Variants in EFCAB13 observed in about 807,000 individuals in gnomAD.
EFCAB13 encodes EF-hand calcium binding domain 13.
A neutral mutation model predicts 110.2 loss-of-function variants in EFCAB13; 91 were observed. The ratio of observed to expected loss-of-function variants is 0.83; its 90% CI spans 0.70 to 0.98. The LOEUF is 0.98. EFCAB13 is among the 50% of genes least tolerant of loss of function. The pLI is 0.00. For missense variants in EFCAB13, 968 were observed against 1,119.4 expected (o/e 0.86, Z 1.93); for synonymous variants, 323 against 369.9 (o/e 0.87, Z 1.45).
At chr17:47,378,977 A>C (rs183641876) in intron 13 of EFCAB13, among the ~76,000 whole-genome samples, 1 of 152,170 alleles carries the variant, frequency 6.6e-6, no homozygotes, top group African/African-American at 2.4e-5. Context: ...GGTGCCTAGC[A>C]TGGTTCTTGG....
intron 9 of EFCAB13, among the ~76,000 whole-genome samples, chr17:47,359,521 T>G (rs1449567124): frequency 6.6e-6 from 1 of 151,238 alleles, no homozygotes; most frequent in African/African-American, 2.4e-5. Context: ...AATTGTGTTT[T>G]TTTTTTTTTT....
At position 47,350,412 on chromosome 17, in the gene EFCAB13, A is replaced by G. The variant is rs879812225; in HGVS notation, c.661+2461A>G. 1.3e-5 allele frequency among the ~76,000 whole-genome samples: 2 copies of G among 152,246 alleles called. 1 individual carries two copies. The highest frequency in any genetic ancestry group is 6.8e-3 in the Middle Eastern group (2 of 294). On this transcript the variant is annotated intron_variant, in intron 9 of 24. Transcript: ENST00000331493. ...GCTCAAGAATTTAGATGCTCTTCCT[A>G]TTATCAAATGAATCTATAGAGGCCA...
intron 12 of EFCAB13, among the ~76,000 whole-genome samples, chr17:47,377,493 G>A (rs930105004): frequency 5.9e-5 from 9 of 152,110 alleles, no homozygotes; most frequent in African/African-American, 2.2e-4. Context: ...GAAGCAAGCA[G>A]CATTGGCTGG....
chr17:47,404,444 G>T, intron 19 of EFCAB13, 118 bp from the exon 20 acceptor site: 1 of 722,408 alleles, frequency 1.4e-6, no homozygotes, highest in Non-Finnish European at 2.2e-6. Flanking sequence ...GAATCTAAAA[G>T]TACCTTGTAA....
At chr17:47,324,687 A>G (rs931997291) in intron 2 of EFCAB13, among the ~76,000 whole-genome samples, 164 bp downstream of exon 2, 1 of 152,090 alleles carries the variant, frequency 6.6e-6, no homozygotes, top group Non-Finnish European at 1.5e-5. Flanking sequence ...GCGGCTTGTG[A>G]GGGAAATGTG....
rs954163586 is a variant in EFCAB13, at chr17:47,411,578, T to G, written c.2279-1195T>G. 2.6e-5 allele frequency among the ~76,000 whole-genome samples: 4 copies of G among 152,216 alleles called. No homozygotes were observed. In the East Asian group the frequency reaches 5.8e-4, roughly 22 times the overall value. ...CCTTATCAAGGAATTTACTTGAAACTCTTTGATACGAGGGACTGAATATTT... is the reference window on the plus strand; with the variant it reads ...CCTTATCAAGGAATTTACTTGAAACGCTTTGATACGAGGGACTGAATATTT... On this transcript the variant is annotated intron_variant, in intron 21 of 24. Transcript: ENST00000331493.
Position 47,403,910 on chromosome 17 carries a change from C to T in EFCAB13, c.2050C>T (p.Leu684=), listed in dbSNP as rs781264767. 3.7e-6 allele frequency: 6 copies of T among 1,609,648 alleles called. No homozygotes were observed. In the African/African-American group the frequency reaches 8.0e-5, roughly 22 times the overall value. Residue 684 remains leucine (L), a synonymous_variant, in exon 19 of 25, where the codon CTG becomes TTG. Transcript: ENST00000331493. ...LQEVVLAADL[L]EGDMIAGKNL... ...GGAAGTTGTCTTAGCTGCTGATTTGCTGGAAGGTGACATGATAGCTGGGAA... is the reference window on the plus strand; with the variant it reads ...GGAAGTTGTCTTAGCTGCTGATTTGTTGGAAGGTGACATGATAGCTGGGAA...
chr17:47,440,870 G>A lies in EFCAB13; in HGVS notation c.*156G>A, dbSNP rs374963983. The A allele has an allele frequency of 5.3e-4, 298 of 559,050 alleles. No homozygotes were observed. The highest frequency in any genetic ancestry group is 3.2e-3 in the African/African-American group (166 of 51,806). 34.6% of individuals were successfully genotyped at this position (559,050 alleles called of 1,614,324 possible). A position where few individuals can be genotyped will look rare whatever the true frequency, so the allele number is the denominator to read the frequency against. On this transcript the variant is annotated 3_prime_UTR_variant, in exon 25 of 25. Transcript: ENST00000331493. The stretch of plus-strand genomic sequence containing the variant: ...TGTTATGTTCTCATGTATCTTCAGC[G>A]ACTCTCTTGATCACACTTTTTAAAC...
chr17:47,335,056 A>G, intron 4 of EFCAB13, 140 bp from the exon 5 acceptor site: 2 of 917,832 alleles, frequency 2.2e-6, no homozygotes, highest in Non-Finnish European at 3.1e-6. Flanking sequence ...TAGTGAGTAA[A>G]ACCTTTTTCA....
chr17:47,360,831 G>C (rs1289083677), intron 9 of EFCAB13, among the ~76,000 whole-genome samples: 1 of 152,066 alleles, frequency 6.6e-6, no homozygotes, highest in Non-Finnish European at 1.5e-5. Flanking sequence ...TCCAGTTTCA[G>C]CTTTCTACAA....
chr17:47,345,785 G>A (rs1394862793), intron 8 of EFCAB13, among the ~76,000 whole-genome samples: 1 of 151,846 alleles, frequency 6.6e-6, no homozygotes, highest in Non-Finnish European at 1.5e-5. Flanking sequence ...TCTCCATTTG[G>A]TGCCACTATG....
At chr17:47,386,266 C>T (rs1198768281) in intron 14 of EFCAB13, among the ~76,000 whole-genome samples, 6 of 152,204 alleles carry the variant, frequency 3.9e-5, no homozygotes, top group South Asian at 2.1e-4. Flanking sequence ...CCCCCAGATA[C>T]GCTGGTCCAG....
chr17:47,428,676 T>G (rs990158402), intron 23 of EFCAB13, among the ~76,000 whole-genome samples: 5 of 152,130 alleles, frequency 3.3e-5, no homozygotes, highest in African/African-American at 1.2e-4. Context: ...CAATTGAATA[T>G]TCATTTATTA....
chr17:47,429,794 T>A, intron 23 of EFCAB13, 24 bp from the exon 24 acceptor site: 1 of 1,565,058 alleles, frequency 6.4e-7, no homozygotes, highest in Non-Finnish European at 8.7e-7. Context: ...TGTTGAAACA[T>A]TTGCTTTTGC....
rs138934971 is a variant in EFCAB13 at position 47,412,818 on chromosome 17, A to G, written c.2324A>G (p.Lys775Arg). 6.2e-7 allele frequency: 1 copy of G among 1,613,812 alleles called. No homozygotes were observed. The highest frequency in any genetic ancestry group is 8.5e-7 in the Non-Finnish European group (1 of 1,179,832). ...ANILSHVDNG[K>R]IGIPDLEHAL... Reference sequence around the variant, plus strand: ...ATCTTGTCACATGTCGATAATGGCAAGATTGGTATACCTGATTTGGAGCAT... The same window carrying G: ...ATCTTGTCACATGTCGATAATGGCAGGATTGGTATACCTGATTTGGAGCAT... The change falls in exon 22 of 25, where the codon AAG (lysine) becomes AGG (arginine). Residue 775 changes from lysine (K) to arginine (R), a missense_variant. By Grantham distance (26) the Lys-to-Arg change is conservative. Transcript: ENST00000331493.
At position 47,344,176 on chromosome 17, in the gene EFCAB13, T is replaced by C; in HGVS notation, c.318T>C (p.Phe106=). 6.2e-7 allele frequency: 1 copy of C among 1,612,910 alleles called. No individual in the cohort carries two copies. Residue 106 remains phenylalanine, a synonymous_variant, in exon 7 of 25, where the codon TTT becomes TTC. Transcript: ENST00000331493. ...HSKRTEIIPP[F]LKLSKEKVTR... ...TTTGGCTCTAGATTATCCCTCCTTTTCTGAAGCTGTCAAAGGAGAAGGTGA... is the reference window on the plus strand; with the variant it reads ...TTTGGCTCTAGATTATCCCTCCTTTCCTGAAGCTGTCAAAGGAGAAGGTGA...
At chr17:47,396,297 T>G (rs766993373) in intron 17 of EFCAB13, among the ~76,000 whole-genome samples, 1 of 152,178 alleles carries the variant, frequency 6.6e-6, no homozygotes, top group Non-Finnish European at 1.5e-5. Flanking sequence ...TTAAGAGATC[T>G]ATTCAAATTT....
chr17:47,352,284 G>T (rs1190133903), intron 9 of EFCAB13, among the ~76,000 whole-genome samples: 1 of 151,990 alleles, frequency 6.6e-6, no homozygotes, highest in African/African-American at 2.4e-5. Context: ...TGGGAGATAG[G>T]GGTCCAGTTT....
intron 10 of EFCAB13, among the ~76,000 whole-genome samples, chr17:47,363,221 C>G (rs2065526234): frequency 6.6e-6 from 1 of 152,110 alleles, no homozygotes; most frequent in South Asian, 2.1e-4. Flanking sequence ...TAGGTGTGCA[C>G]CATCATGCCA....
Sources: allele counts gnomAD v4.1 joint callset (sites outside exome capture counted in the v4.1 genomes callset), GRCh38; gene constraint gnomAD v4.1.1; transcripts MANE v1.5; gene names NCBI Gene and HGNC (gene_info 2026-07-23, HGNC 2026-07-21).